TENM2: variants seen among roughly 807,000 people sequenced by gnomAD.
TENM2 encodes teneurin-2.
In TENM2, 52 loss-of-function variants were observed where a neutral mutation model predicts 245.2. The observed-to-expected ratio is 0.21, with a 90% CI of 0.17 to 0.27. TENM2 has a LOEUF of 0.27. Among genes scored for constraint, TENM2 ranks in the 10% least tolerant of loss-of-function variants. The pLI, the probability that TENM2 is intolerant of heterozygous loss-of-function variation, is 1.00. For synonymous variants in TENM2, 1,363 were observed against 1,438.9 expected (o/e 0.95, Z 1.19); for missense variants, 3,046 against 3,666.8 (o/e 0.83, Z 4.37).
intron 2 of TENM2, among the ~76,000 whole-genome samples, chr5:167,552,950 T>TGA (rs58916934): frequency 6.6e-6 from 1 of 151,946 alleles, no homozygotes; most frequent in African/African-American, 2.4e-5. Flanking sequence ...AATGAATGAA[T>TGA]AAGTGAGACA....
intron 1 of TENM2, among the ~76,000 whole-genome samples, chr5:167,355,595 T>C (rs1759258583): frequency 6.6e-6 from 1 of 152,180 alleles, no homozygotes; most frequent in Non-Finnish European, 1.5e-5. Flanking sequence ...GGTCTGCTCA[T>C]GAGCCGCGAG....
At chr5:167,226,188 T>G in the TENM2 span, among the ~76,000 whole-genome samples, 6 of 152,088 alleles carry the variant, frequency 3.9e-5, no homozygotes, top group African/African-American at 1.2e-4. Context: ...AAATTTCTTC[T>G]TCTAATTTTG....
intron 9 of TENM2, among the ~76,000 whole-genome samples, chr5:168,098,628 G>C (rs1043219743): frequency 6.6e-6 from 1 of 152,112 alleles, no homozygotes; most frequent in Non-Finnish European, 1.5e-5. Flanking sequence ...TGGGGGAAAG[G>C]TAATATAAGA....
At chr5:167,957,450 G>T (rs1350378030) in intron 4 of TENM2, among the ~76,000 whole-genome samples, 2 of 151,974 alleles carry the variant, frequency 1.3e-5, no homozygotes, top group African/African-American at 4.8e-5. Context: ...ATTTTTTGAA[G>T]GGTTTTTCAT....
At chr5:168,007,255 A>G (rs111835882) in intron 5 of TENM2, among the ~76,000 whole-genome samples, 23,500 of 151,800 alleles carry the variant, frequency 0.15, 2,061 homozygotes, top group Admixed American at 0.27. Flanking sequence ...CAGCCTCCCC[A>G]GTAGCTGGGA....
At chr5:168,257,740 C>T (rs1028805015) in intron 27 of TENM2, among the ~76,000 whole-genome samples, 1 of 152,042 alleles carries the variant, frequency 6.6e-6, no homozygotes, top group Non-Finnish European at 1.5e-5. Context: ...CTCAGCCTCC[C>T]AGGTAGCTGG....
Position 167,556,745 on chromosome 5 carries a change from C to T in TENM2, c.502+181272C>T, listed in dbSNP as rs115194570. Among the ~76,000 whole-genome samples, 760 of 152,186 alleles carry T rather than the reference C, an allele frequency of 5.0e-3. 5 individuals are homozygous for T. Among genetic ancestry groups the T allele is most frequent in the Middle Eastern group, 0.01 (3 of 294 alleles). ...AATGCTTTTGATGTATACTGGCTGC[C>T]TAGGACATTGGGGTGAGAAGAATCC... On this transcript the variant is annotated intron_variant, in intron 2 of 28. Transcript: ENST00000518659.
At chr5:167,458,137 T>C (rs531620291) in intron 2 of TENM2, among the ~76,000 whole-genome samples, 145 of 152,278 alleles carry the variant, frequency 9.5e-4, no homozygotes, top group African/African-American at 3.3e-3. Flanking sequence ...AACATTGTTA[T>C]ACACAATAAA....
rs138933608 is a variant in TENM2, at chr5:167,853,487, G to A, written c.503-22499G>A. ...CAGGGGTGAGACATCCATTTTAATC[G>A]AGGCTCAGTTTGAGAAGAGGAAATT... On this transcript the variant is annotated intron_variant, in intron 2 of 28. Coordinates refer to ENST00000518659, the Ensembl canonical transcript of TENM2. Among the ~76,000 whole-genome samples the A allele has an allele frequency of 4.2e-3, 631 of 151,978 alleles. 2 individuals carry two copies. Among genetic ancestry groups the A allele is most frequent in the Admixed American group, 8.8e-3 (134 of 15,238 alleles).
At chr5:167,609,763 AAACT>A (rs1777347938) in intron 2 of TENM2, among the ~76,000 whole-genome samples, 1 of 152,098 alleles carries the variant, frequency 6.6e-6, no homozygotes, top group African/African-American at 2.4e-5. Flanking sequence ...GGAAAAAAAC[AAACT>A]GTTTTTCCTA....
At chr5:167,613,648 C>T (rs1777609349) in intron 2 of TENM2, among the ~76,000 whole-genome samples, 1 of 151,966 alleles carries the variant, frequency 6.6e-6, no homozygotes. Context: ...AATCCAAGCC[C>T]CAGGTCACAG....
chr5:167,127,782 G>T, the TENM2 span, among the ~76,000 whole-genome samples: 1 of 151,842 alleles, frequency 6.6e-6, no homozygotes, highest in Non-Finnish European at 1.5e-5. Context: ...GTGCTTTTTT[G>T]TTCAACAAAG....
intron 2 of TENM2, among the ~76,000 whole-genome samples, chr5:167,471,626 G>A (rs1767034946): frequency 6.6e-6 from 1 of 152,190 alleles, no homozygotes; most frequent in Admixed American, 6.5e-5. Context: ...TCTTAGAAGT[G>A]TCAAATAATT....
At chr5:167,909,608 ACAAT>A (rs1776390502) in intron 3 of TENM2, among the ~76,000 whole-genome samples, 1 of 152,212 alleles carries the variant, frequency 6.6e-6, no homozygotes, top group Non-Finnish European at 1.5e-5. Flanking sequence ...TCTTTATTTA[ACAAT>A]CAATCATCAA....
intron 2 of TENM2, among the ~76,000 whole-genome samples, chr5:167,834,640 C>CTTTTTTTTT (rs555150513): frequency 1.5e-5 from 2 of 129,544 alleles, no homozygotes. Context: ...TGTACAATTT[C>CTTTTTTTTT]TTTTTTTTTT....
intron 2 of TENM2, among the ~76,000 whole-genome samples, chr5:167,395,115 C>T (rs1183148969): frequency 2.0e-5 from 3 of 152,120 alleles, no homozygotes; most frequent in Non-Finnish European, 4.4e-5. Context: ...TTAAGTCTTC[C>T]AATCCATGGA....
chr5:167,400,651 G>A (rs1234877381), intron 2 of TENM2, among the ~76,000 whole-genome samples: 1 of 151,918 alleles, frequency 6.6e-6, no homozygotes, highest in East Asian at 1.9e-4. Flanking sequence ...GGAATATAAA[G>A]GTACCAGGGC....
the TENM2 span, among the ~76,000 whole-genome samples, chr5:167,201,941 T>G: frequency 3.3e-5 from 5 of 152,114 alleles, no homozygotes; most frequent in Non-Finnish European, 7.4e-5. Flanking sequence ...TGTGTAGTAT[T>G]TTTCTTATAG....
chr5:167,702,453 T>C (rs1454116965), intron 2 of TENM2, among the ~76,000 whole-genome samples: 1 of 151,742 alleles, frequency 6.6e-6, no homozygotes, highest in Non-Finnish European at 1.5e-5. Context: ...ATGATTTGGG[T>C]CTTGTGTGTC....
Sources: allele counts gnomAD v4.1 joint callset (sites outside exome capture counted in the v4.1 genomes callset), GRCh38; gene constraint gnomAD v4.1.1; transcripts MANE v1.5; gene names NCBI Gene and HGNC (gene_info 2026-07-23, HGNC 2026-07-21).